Variants in HGF observed in about 807,000 individuals in gnomAD.
HGF encodes hepatocyte growth factor, also known as fibroblast-derived tumor cytotoxic factor.
Under a neutral mutation model 111.6 loss-of-function variants are expected in HGF, and 39 were observed. That is an observed-to-expected ratio of 0.35 (90% CI 0.27 to 0.46). HGF has a LOEUF of 0.46. Among genes scored for constraint, HGF ranks in the 20% least tolerant of loss-of-function variants. HGF has a pLI of 1.00. For missense variants in HGF, 735 were observed against 910.5 expected, an observed-to-expected ratio of 0.81 and a Z score of 2.48; for synonymous variants, 285 against 294.8, an observed-to-expected ratio of 0.97 and a Z score of 0.34.
chr7:81,726,830 A>G (rs1790024804), intron 8 of HGF, among the ~76,000 whole-genome samples: 2 of 152,004 alleles, frequency 1.3e-5, no homozygotes, highest in Admixed American at 6.5e-5. Context: ...TAAGGTTCAC[A>G]TTAAATAAAA....
At chr7:81,757,775 A>T (rs1196448745) in intron 3 of HGF, among the ~76,000 whole-genome samples, 1 of 151,998 alleles carries the variant, frequency 6.6e-6, no homozygotes, top group African/African-American at 2.4e-5. Flanking sequence ...ATTAGTTTCC[A>T]TATTTTTGCA....
intron 4 of HGF, chr7:81,756,847 C>G: frequency 6.5e-6 from 2 of 307,502 alleles, no homozygotes; most frequent in Admixed American, 4.7e-5. Flanking sequence ...TCATCTACCT[C>G]TGATTTTTCA....
At chr7:81,755,759 T>C in intron 4 of HGF, 1 of 449,996 alleles carries the variant, frequency 2.2e-6, no homozygotes, top group Non-Finnish European at 3.9e-6. Flanking sequence ...AATTTTTGTT[T>C]TTGTAATATA....
At chr7:81,740,692 G>C (rs1284869700) in intron 7 of HGF, among the ~76,000 whole-genome samples, 2 of 152,200 alleles carry the variant, frequency 1.3e-5, no homozygotes, top group East Asian at 3.9e-4. Context: ...ATATTGTAGA[G>C]AGGGTTATGT....
intron 11 of HGF, 116 bp from the exon 12 acceptor site, chr7:81,711,635 T>TTTG (rs887981926): frequency 8.7e-5 from 45 of 518,390 alleles, no homozygotes; most frequent in Non-Finnish European, 1.4e-4. Context: ...TACTAAAATT[T>TTTG]TTGTTGTTGT....
At chr7:81,751,945 TA>T in intron 5 of HGF, 174 bp downstream of exon 5, 1 of 1,423,552 alleles carries the variant, frequency 7.0e-7, no homozygotes, top group African/African-American at 1.4e-5. Context: ...AATCTGGTGA[TA>T]ATCCAACAGT....
intron 4 of HGF, among the ~76,000 whole-genome samples, chr7:81,754,014 T>C (rs181044159): frequency 6.6e-6 from 1 of 152,102 alleles, no homozygotes; most frequent in African/African-American, 2.4e-5. Context: ...TTGCTTTATA[T>C]GTTTTCAAGA....
In HGF at chr7:81,743,369, A is replaced by C. The variant is rs533086523; in HGVS notation, c.849T>G (p.Cys283Trp). The change falls in exon 7 of 18, where the codon TGT becomes TGG. Residue 283 changes from cysteine to tryptophan, a missense_variant. Around this residue, in one of 3 missense-constraint regions of HGF, gnomAD observed 553 missense variants for 685.6 expected, o/e 0.81. Transcript: ENST00000222390. ...TLDPHTRWEY[C>W]AIKTCADNTM... is the part of the protein sequence containing the mutation. The stretch of plus-strand genomic sequence containing the variant: ...TTCACTTACCGCATGTTTTAATTGC[A>C]CAGTACTCCCAGCGGGTGTGAGGGT... 6.2e-7 allele frequency: 1 copy of C among 1,604,592 alleles called. No homozygotes were observed. Among genetic ancestry groups the C allele is most frequent in the African/African-American group, 1.3e-5 (1 of 74,858 alleles).
At chr7:81,767,882 T>C (rs556556319) in intron 1 of HGF, among the ~76,000 whole-genome samples, 8 of 152,274 alleles carry the variant, frequency 5.3e-5, no homozygotes, top group African/African-American at 1.7e-4. Context: ...GAACAAACTT[T>C]GTGTGTTCTA....
chr7:81,741,456 C>A (rs1692829102), intron 7 of HGF, among the ~76,000 whole-genome samples: 1 of 152,054 alleles, frequency 6.6e-6, no homozygotes, highest in Admixed American at 6.6e-5. Context: ...TTGCCTCTCT[C>A]AGTCTCTTTT....
At chr7:81,713,113 A>G (rs1312745263) in intron 11 of HGF, among the ~76,000 whole-genome samples, 1 of 152,192 alleles carries the variant, frequency 6.6e-6, no homozygotes, top group East Asian at 1.9e-4. Context: ...GTGAGGAGAA[A>G]GACTGGTTAT....
Position 81,702,440 on chromosome 7 carries a change from A to G in HGF, c.*141T>C, listed in dbSNP as rs1789306203. ...AAAACAACAGAAAACACCCATAAAC[A>G]TTAATGAGAATTTCAACAAACATGA... On this transcript the variant is annotated 3_prime_UTR_variant, in exon 18 of 18. Transcript: ENST00000222390. 2.9e-6 allele frequency: 2 copies of G among 688,456 alleles called. No homozygotes were observed. Among genetic ancestry groups the G allele is most frequent in the South Asian group, 1.8e-5 (1 of 54,464 alleles). 42.6% of individuals were successfully genotyped at this position (688,456 alleles called of 1,614,324 possible). A position where few individuals can be genotyped will look rare whatever the true frequency, so the allele number is the denominator to read the frequency against.
At chr7:81,727,624 A>G (rs1790053652) in intron 8 of HGF, among the ~76,000 whole-genome samples, 1 of 152,176 alleles carries the variant, frequency 6.6e-6, no homozygotes, top group Admixed American at 6.5e-5. Context: ...GTTAAATTTT[A>G]CATGAACTTT....
At chr7:81,727,619 A>T (rs1411102027) in intron 8 of HGF, among the ~76,000 whole-genome samples, 1 of 152,116 alleles carries the variant, frequency 6.6e-6, no homozygotes, top group Non-Finnish European at 1.5e-5. Context: ...TGTGTGTTAA[A>T]TTTTACATGA....
intron 7 of HGF, chr7:81,743,039 G>A (rs368645019): frequency 6.3e-6 from 7 of 1,119,314 alleles, no homozygotes; most frequent in Non-Finnish European, 8.1e-6. Flanking sequence ...TTGTGATGCT[G>A]CACACATTTC....
chr7:81,721,120 G>C (rs913487217), intron 9 of HGF, among the ~76,000 whole-genome samples: 2 of 152,070 alleles, frequency 1.3e-5, no homozygotes, highest in African/African-American at 2.4e-5. Flanking sequence ...GGTGGTGGGC[G>C]CCTGTAGTCC....
intron 7 of HGF, among the ~76,000 whole-genome samples, chr7:81,730,933 C>G (rs557982141): frequency 1.3e-5 from 2 of 152,182 alleles, no homozygotes; most frequent in African/African-American, 4.8e-5. Context: ...GGATGTACCA[C>G]TGTACGAAGG....
intron 7 of HGF, among the ~76,000 whole-genome samples, chr7:81,731,361 T>C (rs1787649480): frequency 4.6e-5 from 7 of 152,240 alleles, no homozygotes; most frequent in Admixed American, 4.6e-4. Context: ...AAAAAGAAAC[T>C]CAAATGAAGA....
intron 13 of HGF, among the ~76,000 whole-genome samples, chr7:81,709,370 TAG>T (rs1463270434): frequency 1.3e-5 from 2 of 152,182 alleles, no homozygotes; most frequent in South Asian, 2.1e-4. Context: ...AAGGTTCTGA[TAG>T]AGATAGCCAA....
Sources: allele counts gnomAD v4.1 joint callset (sites outside exome capture counted in the v4.1 genomes callset), GRCh38; gene constraint gnomAD v4.1.1; regional missense constraint gnomAD v4.1.1; transcripts MANE v1.5; gene names NCBI Gene and HGNC (gene_info 2026-07-23, HGNC 2026-07-21).